The following CCSER1 variants were observed in gnomAD, a reference collection of about 807,000 sequenced individuals.
CCSER1 encodes the protein coiled-coil serine rich protein 1, also known as serine-rich coiled-coil domain-containing protein 1.
In CCSER1, 41 loss-of-function variants were observed where a neutral mutation model predicts 82.0. That is an observed-to-expected ratio of 0.50 (90% confidence interval 0.39 to 0.65). The LOEUF (loss-of-function observed/expected upper bound fraction) is 0.65, where lower values mean the gene tolerates loss of function less well. Among genes scored for constraint, CCSER1 ranks in the 30% least tolerant of loss-of-function variants. The probability of loss-of-function intolerance (pLI) is 0.00; values close to 1 mark genes in which losing one functional copy is unlikely to be tolerated. For synonymous variants in CCSER1, 414 were observed against 383.9 expected (o/e 1.08, Z -0.92); for missense variants, 1,119 against 1,064.2 (o/e 1.05, Z -0.72).
intron 10 of CCSER1, among the ~76,000 whole-genome samples, chr4:91,295,204 G>A (rs922527062): frequency 1.3e-5 from 2 of 151,858 alleles, no homozygotes; most frequent in East Asian, 1.9e-4. Context: ...TACCTTTTTG[G>A]TTAGAGATTT....
intron 10 of CCSER1, among the ~76,000 whole-genome samples, chr4:91,415,576 G>T (rs1753309700): frequency 6.6e-6 from 1 of 151,964 alleles, no homozygotes; most frequent in Non-Finnish European, 1.5e-5. Flanking sequence ...CTATTTTGAG[G>T]TATGTTCCTT....
At chr4:90,589,343 A>T (rs1782417271) in intron 5 of CCSER1, among the ~76,000 whole-genome samples, 1 of 151,974 alleles carries the variant, frequency 6.6e-6, no homozygotes, top group South Asian at 2.1e-4. Context: ...AGGGTTTATA[A>T]TTTTTTTGTT....
intron 7 of CCSER1, among the ~76,000 whole-genome samples, chr4:90,760,348 A>T (rs1468263129): frequency 6.6e-6 from 1 of 151,958 alleles, no homozygotes; most frequent in Non-Finnish European, 1.5e-5. Context: ...AGCAGATATG[A>T]GCTAATTTGT....
chr4:90,472,802 A>T (rs1278992460), intron 5 of CCSER1, among the ~76,000 whole-genome samples: 1 of 152,220 alleles, frequency 6.6e-6, no homozygotes, highest in Non-Finnish European at 1.5e-5. Flanking sequence ...ACAATAGCAG[A>T]GTCATGAAAT....
intron 9 of CCSER1, among the ~76,000 whole-genome samples, chr4:90,932,976 A>AAGAGAG: frequency 5.2e-5 from 2 of 38,704 alleles, no homozygotes; most frequent in East Asian, 4.9e-4. Flanking sequence ...GAAAGAAAGA[A>AAGAGAG]AGAAAGAGAA....
chr4:91,476,891 T>C (rs1757628215), intron 10 of CCSER1, among the ~76,000 whole-genome samples: 1 of 151,698 alleles, frequency 6.6e-6, no homozygotes, highest in Non-Finnish European at 1.5e-5. Context: ...GATTACTCTC[T>C]CTCAATTAAT....
chr4:90,325,679 T>TC (rs1448180729), intron 3 of CCSER1: 4 of 442,756 alleles, frequency 9.0e-6, no homozygotes, highest in Admixed American at 2.4e-5. Flanking sequence ...TAACTACCTG[T>TC]TCTGAGGTGA....
intron 10 of CCSER1, among the ~76,000 whole-genome samples, chr4:91,243,482 C>G (rs182726571): frequency 6.6e-6 from 1 of 152,126 alleles, no homozygotes; most frequent in African/African-American, 2.4e-5. Context: ...CCAGGCAGTC[C>G]AGCTCACAGC....
chr4:91,393,191 T>C (rs1484326407), intron 10 of CCSER1, among the ~76,000 whole-genome samples: 1 of 152,092 alleles, frequency 6.6e-6, no homozygotes, highest in Non-Finnish European at 1.5e-5. Flanking sequence ...TTATTGGTAT[T>C]ATAAATATGC....
intron 1 of CCSER1, among the ~76,000 whole-genome samples, chr4:90,229,263 G>C (rs1743922472): frequency 6.6e-6 from 1 of 152,212 alleles, no homozygotes. Context: ...CAGACTGACA[G>C]CAGATCTCTC....
chr4:90,817,721 T>G (rs924189765), intron 8 of CCSER1, among the ~76,000 whole-genome samples: 5 of 152,138 alleles, frequency 3.3e-5, no homozygotes, highest in African/African-American at 1.2e-4. Context: ...TTCAAGAATT[T>G]TACTTAGAGG....
chr4:90,249,857 T>G (rs1722076527), intron 1 of CCSER1, among the ~76,000 whole-genome samples: 1 of 152,252 alleles, frequency 6.6e-6, no homozygotes, highest in Admixed American at 6.5e-5. Context: ...TATATTTCCA[T>G]CAGCAATGCA....
At chr4:90,533,435 G>A (rs1774889952) in intron 5 of CCSER1, among the ~76,000 whole-genome samples, 1 of 152,140 alleles carries the variant, frequency 6.6e-6, no homozygotes, top group Non-Finnish European at 1.5e-5. Context: ...GTCTCACTGT[G>A]CTTCCCATAA....
At chr4:90,941,667 A>G (rs1159144154) in intron 9 of CCSER1, among the ~76,000 whole-genome samples, 4 of 152,176 alleles carry the variant, frequency 2.6e-5, no homozygotes, top group Admixed American at 6.5e-5. Context: ...AATTTTTAAT[A>G]TATAATCACT....
At chr4:91,347,205 T>C (rs1459570844) in intron 10 of CCSER1, among the ~76,000 whole-genome samples, 1 of 152,108 alleles carries the variant, frequency 6.6e-6, no homozygotes, top group Non-Finnish European at 1.5e-5. Flanking sequence ...TTTTTGCATG[T>C]GGATTTTGAG....
At chr4:90,815,923 C>A in intron 8 of CCSER1, 78 bp downstream of exon 8, 3 of 844,440 alleles carry the variant, frequency 3.6e-6, no homozygotes, top group South Asian at 1.8e-5. Context: ...TTTATTAACA[C>A]CAATGGCATT....
intron 10 of CCSER1, among the ~76,000 whole-genome samples, chr4:91,156,176 G>A (rs1466271583): frequency 6.6e-6 from 1 of 151,486 alleles, no homozygotes; most frequent in African/African-American, 2.4e-5. Flanking sequence ...CCAAATAGGG[G>A]TTCATTATAT....
At chr4:90,179,810 A>C (rs1483517462) in intron 1 of CCSER1, among the ~76,000 whole-genome samples, 1 of 151,708 alleles carries the variant, frequency 6.6e-6, no homozygotes, top group Non-Finnish European at 1.5e-5. Flanking sequence ...TACTCAATTA[A>C]ACTGTACCAT....
At chr4:90,693,270 T>G (rs1214094802) in intron 6 of CCSER1, 1 of 151,944 alleles carries the variant, frequency 6.6e-6, no homozygotes, top group Non-Finnish European at 1.5e-5. Context: ...ACTTTAAAAT[T>G]ATTATTTCCA....
Sources: allele counts gnomAD v4.1 joint callset (sites outside exome capture counted in the v4.1 genomes callset), GRCh38; gene constraint gnomAD v4.1.1; transcripts MANE v1.5; gene names NCBI Gene and HGNC (gene_info 2026-07-23, HGNC 2026-07-21).